The following ZFYVE28 variants were observed in gnomAD, a reference collection of about 807,000 sequenced individuals.
ZFYVE28 encodes lateral signaling target protein 2 homolog.
In ZFYVE28, 40 loss-of-function variants were observed where a neutral mutation model predicts 82.1. That is an observed-to-expected ratio of 0.49 (90% CI 0.38 to 0.63). The LOEUF (loss-of-function observed/expected upper bound fraction) is 0.63. Ranked by LOEUF, ZFYVE28 falls within the 30% of genes least tolerant of loss-of-function variation. The pLI is 0.00. For missense variants in ZFYVE28, 1,321 were observed against 1,242.1 expected, an observed-to-expected ratio of 1.06 and a Z score of -0.96; for synonymous variants, 612 against 546.1, an observed-to-expected ratio of 1.12 and a Z score of -1.68.
At chr4:2,385,592 C>G (rs368386416) in intron 1 of ZFYVE28, among the ~76,000 whole-genome samples, 4 of 152,232 alleles carry the variant, frequency 2.6e-5, no homozygotes, top group Non-Finnish European at 4.4e-5. Context: ...CCACAGGCTT[C>G]GGACAGCAGA....
intron 1 of ZFYVE28, among the ~76,000 whole-genome samples, chr4:2,378,087 C>G (rs920620091): frequency 2.0e-5 from 3 of 152,228 alleles, no homozygotes; most frequent in Admixed American, 6.5e-5. Flanking sequence ...CGCCTGTAAT[C>G]CCAGCACTTT....
Position 2,271,365 on chromosome 4 carries a change from G to A in ZFYVE28, c.2478C>T (p.Cys826=). The change falls in exon 12 of 13, where the codon TGC becomes TGT. Residue 826 remains cysteine (C), a synonymous_variant. Coordinates refer to ENST00000290974, the MANE Select transcript of ZFYVE28 (RefSeq NM_020972.3). ...PDEACGFCTA[C]KAPFTVIRRK... Reference sequence around the variant, plus strand: ...GGCGGATGACGGTGAAGGGTGCTTTGCACGCCGTGCAGAAGCCACAGGCCT... The same window carrying A: ...GGCGGATGACGGTGAAGGGTGCTTTACACGCCGTGCAGAAGCCACAGGCCT... 1 of 1,612,758 alleles carries A rather than the reference G, an allele frequency of 6.2e-7. No homozygotes were observed. Among genetic ancestry groups the A allele is most frequent in the South Asian group, 1.1e-5 (1 of 91,062 alleles).
chr4:2,325,592 C>CTTTTTTTT (rs58460729), intron 6 of ZFYVE28, among the ~76,000 whole-genome samples: 10 of 122,228 alleles, frequency 8.2e-5, no homozygotes, highest in Admixed American at 1.8e-4. Context: ...TTAAATCTTA[C>CTTTTTTTT]TTTTTTTTTT....
intron 1 of ZFYVE28, among the ~76,000 whole-genome samples, chr4:2,407,737 C>T (rs181392493): frequency 5.3e-5 from 8 of 152,220 alleles, no homozygotes; most frequent in South Asian, 4.2e-4. Flanking sequence ...ATTACAGACG[C>T]ACCACCACGC....
chr4:2,397,696 CT>C (rs1394058125), intron 1 of ZFYVE28, among the ~76,000 whole-genome samples: 1 of 152,082 alleles, frequency 6.6e-6, no homozygotes, highest in African/African-American at 2.4e-5. Context: ...GTGATTTAGT[CT>C]TTTTCAGCAG....
chr4:2,287,442 G>A (rs566309651), intron 8 of ZFYVE28: 2 of 152,398 alleles, frequency 1.3e-5, no homozygotes, highest in South Asian at 2.1e-4. Context: ...TGCAGCAGCC[G>A]TAGGATGGGC....
At chr4:2,288,756 T>A (rs985623668) in intron 8 of ZFYVE28, among the ~76,000 whole-genome samples, 1 of 150,036 alleles carries the variant, frequency 6.7e-6, no homozygotes, top group African/African-American at 2.5e-5. Context: ...GGCAGGAGGA[T>A]CATTTGAGTC....
chr4:2,403,009 G>T (rs1320049299), intron 1 of ZFYVE28, among the ~76,000 whole-genome samples: 2 of 152,238 alleles, frequency 1.3e-5, no homozygotes, highest in African/African-American at 2.4e-5. Flanking sequence ...AGGCTGGCGT[G>T]CCATTATCCG....
intron 2 of ZFYVE28, among the ~76,000 whole-genome samples, chr4:2,349,892 T>C (rs952249342): frequency 6.6e-6 from 1 of 152,122 alleles, no homozygotes; most frequent in African/African-American, 2.4e-5. Flanking sequence ...AAAGGGTAGC[T>C]ACGAAAATCC....
chr4:2,384,916 G>T (rs79132652), intron 1 of ZFYVE28, among the ~76,000 whole-genome samples: 1 of 152,130 alleles, frequency 6.6e-6, no homozygotes, highest in Non-Finnish European at 1.5e-5. Context: ...CCTAGACTTG[G>T]GGGGAGGGGA....
At chr4:2,322,553 A>T (rs1265654563) in intron 6 of ZFYVE28, among the ~76,000 whole-genome samples, 1 of 152,020 alleles carries the variant, frequency 6.6e-6, no homozygotes. Context: ...CAGTGGAGAA[A>T]GCTGGGCCCT....
At chr4:2,390,610 T>C (rs1729723786) in intron 1 of ZFYVE28, among the ~76,000 whole-genome samples, 1 of 152,192 alleles carries the variant, frequency 6.6e-6, no homozygotes, top group Admixed American at 6.5e-5. Flanking sequence ...TCTACTTGTA[T>C]AAATTATACA....
Position 2,410,123 on chromosome 4 carries a change from A to G in ZFYVE28, c.39+8162T>C, listed in dbSNP as rs547632691. ...TTTTAAATTGAGGTGAAATCCACAC[A>G]ACATACAATCAACCATCTTAGAGGG... On this transcript the variant is annotated intron_variant, in intron 1 of 12. Coordinates refer to ENST00000290974, the MANE Select transcript of ZFYVE28 (RefSeq NM_020972.3). 6.6e-5 allele frequency among the ~76,000 whole-genome samples: 10 copies of G among 152,344 alleles called. No homozygotes were observed. In the South Asian group the frequency reaches 2.1e-3, roughly 32 times the overall value.
chr4:2,291,911 C>T (rs1445013785), intron 8 of ZFYVE28, among the ~76,000 whole-genome samples: 1 of 152,072 alleles, frequency 6.6e-6, no homozygotes. Flanking sequence ...CAGAGGGGGC[C>T]GGGCTGCAGG....
At chr4:2,379,493 A>G (rs1324428075) in intron 1 of ZFYVE28, among the ~76,000 whole-genome samples, 1 of 152,222 alleles carries the variant, frequency 6.6e-6, no homozygotes, top group Non-Finnish European at 1.5e-5. Context: ...TCAGCACATT[A>G]TAATCATTGA....
At chr4:2,292,704 C>G (rs1393548424) in intron 8 of ZFYVE28, among the ~76,000 whole-genome samples, 3 of 152,168 alleles carry the variant, frequency 2.0e-5, no homozygotes, top group African/African-American at 7.2e-5. Context: ...GCCCAGATGG[C>G]TTCCCTGGTG....
intron 1 of ZFYVE28, among the ~76,000 whole-genome samples, chr4:2,366,914 G>C (rs1248422264): frequency 6.6e-6 from 1 of 152,228 alleles, no homozygotes; most frequent in Non-Finnish European, 1.5e-5. Context: ...CGTGGCATTT[G>C]TTCTGCAAGC....
intron 1 of ZFYVE28, among the ~76,000 whole-genome samples, chr4:2,364,296 G>A (rs911242996): frequency 1.3e-5 from 2 of 152,226 alleles, no homozygotes; most frequent in Non-Finnish European, 2.9e-5. Context: ...GCAGGTGCCT[G>A]TGGGTGGACA....
chr4:2,296,184 G>A (rs954361173), intron 8 of ZFYVE28, among the ~76,000 whole-genome samples: 51 of 152,340 alleles, frequency 3.3e-4, no homozygotes, highest in Middle Eastern at 3.4e-3. Context: ...CCATCTGCAA[G>A]AAGGGTGGCA....
Sources: allele counts gnomAD v4.1 joint callset (sites outside exome capture counted in the v4.1 genomes callset), GRCh38; gene constraint gnomAD v4.1.1; transcripts MANE v1.5; gene names NCBI Gene and HGNC (gene_info 2026-07-23, HGNC 2026-07-21).